Variants in CRLF3 observed in about 807,000 individuals in gnomAD.
CRLF3 encodes cytokine receptor like factor 3, also known as cytokine receptor-like factor 3.
In CRLF3, 33 loss-of-function variants were observed where a neutral mutation model predicts 55.0. The ratio of observed to expected loss-of-function variants is 0.60; its 90% confidence interval spans 0.46 to 0.80. The LOEUF (loss-of-function observed/expected upper bound fraction) is 0.80, where lower values mean the gene tolerates loss of function less well. Ranked by LOEUF, CRLF3 falls within the 30% of genes least tolerant of loss-of-function variation. The pLI is 0.00. For synonymous variants in CRLF3, 238 were observed against 196.8 expected, an observed-to-expected ratio of 1.21 and a Z score of -1.75; for missense variants, 494 against 538.4, an observed-to-expected ratio of 0.92 and a Z score of 0.82.
chr17:30,794,327 C>G (rs1359768606), intron 4 of CRLF3, among the ~76,000 whole-genome samples: 1 of 152,060 alleles, frequency 6.6e-6, no homozygotes, highest in Non-Finnish European at 1.5e-5. Flanking sequence ...ACAGAACCCC[C>G]ATTAATTTTT....
At chr17:30,793,141 AAACT>A (rs367942158) in intron 5 of CRLF3, among the ~76,000 whole-genome samples, 19 of 152,036 alleles carry the variant, frequency 1.2e-4, no homozygotes, top group South Asian at 4.2e-4. Flanking sequence ...TGTCTCAAAA[AAACT>A]AACTAAATAA....
chr17:30,824,502 C>T (rs1008068621), intron 1 of CRLF3, 21 bp downstream of exon 1: 1 of 1,577,380 alleles, frequency 6.3e-7, no homozygotes, highest in African/African-American at 1.4e-5. Context: ...CACAGCGCCC[C>T]TGTGGGTGTG....
intron 1 of CRLF3, among the ~76,000 whole-genome samples, chr17:30,805,046 G>A (rs1225362643): frequency 3.3e-5 from 5 of 152,062 alleles, no homozygotes. Flanking sequence ...AGCTGGACGT[G>A]GTAGTGCGGG....
rs1971566255 is a variant in CRLF3 at position 30,783,903 on chromosome 17, GGGTATAGAACTTCCTATATCTTC to G, written c.*261_*283del. 3.6e-6 allele frequency: 1 copy of G among 277,640 alleles called. No homozygotes were observed. Among genetic ancestry groups the G allele is most frequent in the Non-Finnish European group, 6.8e-6 (1 of 147,874 alleles). The allele number at this position is 277,640 out of a possible 1,614,324, so 17.2% of individuals were successfully genotyped here. The stretch of plus-strand genomic sequence containing the variant: ...ACCAACTTTGAGAAGTACAGTGGAA[GGGTATAGAACTTCCTATATCTTC>G]TATACTTTTAATGCCAATTTGATTT... On this transcript the variant is annotated 3_prime_UTR_variant, in exon 8 of 8. Coordinates refer to ENST00000324238, the MANE Select transcript of CRLF3 (RefSeq NM_015986.4).
intron 6 of CRLF3, 54 bp downstream of exon 6, chr17:30,792,386 T>C: frequency 6.5e-7 from 1 of 1,537,834 alleles, no homozygotes; most frequent in Non-Finnish European, 9.0e-7. Context: ...ATGTATGCTC[T>C]ATGCACTTCA....
At chr17:30,797,537 T>TA (rs1192690779) in intron 2 of CRLF3, 139 bp from the exon 3 acceptor site, 1 of 672,754 alleles carries the variant, frequency 1.5e-6, no homozygotes, top group South Asian at 1.7e-5. Flanking sequence ...CCCAAAAAGT[T>TA]AAAGTAGAAA....
At chr17:30,790,016 CTT>C (rs1490604525) in intron 6 of CRLF3, among the ~76,000 whole-genome samples, 3 of 151,274 alleles carry the variant, frequency 2.0e-5, no homozygotes, top group African/African-American at 4.9e-5. Context: ...CTCTCTCTCT[CTT>C]TGTTGGTATT....
At chr17:30,811,733 G>A (rs1293102965) in intron 1 of CRLF3, among the ~76,000 whole-genome samples, 2 of 148,624 alleles carry the variant, frequency 1.3e-5, no homozygotes, top group East Asian at 3.9e-4. Flanking sequence ...GAACCTGGGA[G>A]GTGGAGGTTG....
chr17:30,816,873 T>C (rs979864268), intron 1 of CRLF3, among the ~76,000 whole-genome samples: 10 of 152,284 alleles, frequency 6.6e-5, no homozygotes, highest in Non-Finnish European at 1.2e-4. Context: ...TACAGACTTG[T>C]ACCCTAGGAG....
At chr17:30,792,629 TACAGACACGTTAAATAAA>T (rs1385240041) in intron 5 of CRLF3, 57 bp from the exon 6 acceptor site, 18 of 1,479,388 alleles carry the variant, frequency 1.2e-5, no homozygotes, top group Non-Finnish European at 1.7e-5. Context: ...ATATCTTCAA[TACAGACACGTTAAATAAA>T]ACATGGAAAT....
At chr17:30,813,786 A>G (rs1409238891) in intron 1 of CRLF3, among the ~76,000 whole-genome samples, 3 of 142,910 alleles carry the variant, frequency 2.1e-5, no homozygotes, top group Admixed American at 7.4e-5. Context: ...AGCATTTTAA[A>G]TAAGTTTCTC....
chr17:30,792,506 G>T lies in CRLF3; in HGVS notation c.893C>A (p.Ser298Tyr). The stretch of plus-strand genomic sequence containing the variant: ...GGAGTAGAGAACACCCGATGATTCA[G>T]AATCGTTCCGAAGTGCTATATTTCT... ...SRRNIALRND[S>Y]ESSGVLYSRA... The change falls in exon 6 of 8, where the codon TCT (serine) becomes TAT (tyrosine). Residue 298 changes from serine (S) to tyrosine (Y), a missense_variant. Ser to Tyr is a moderately radical substitution (Grantham distance 144). Transcript: ENST00000324238. The T allele has an allele frequency of 6.2e-7, 1 of 1,612,998 alleles. No homozygotes were observed. Among genetic ancestry groups the T allele is most frequent in the Non-Finnish European group, 8.5e-7 (1 of 1,179,042 alleles).
At chr17:30,805,110 G>A (rs1306874230) in intron 1 of CRLF3, among the ~76,000 whole-genome samples, 1 of 152,056 alleles carries the variant, frequency 6.6e-6, no homozygotes, top group East Asian at 1.9e-4. Context: ...TTGAACCTGG[G>A]AGATGGAGGT....
At chr17:30,818,084 A>AC (rs1166407043) in intron 1 of CRLF3, among the ~76,000 whole-genome samples, 1 of 150,768 alleles carries the variant, frequency 6.6e-6, no homozygotes, top group Non-Finnish European at 1.5e-5. Context: ...CCATGGTGAA[A>AC]CCCCGTCTCT....
chr17:30,784,634 A>G, intron 7 of CRLF3, 191 bp from the exon 8 acceptor site: 1 of 497,660 alleles, frequency 2.0e-6, no homozygotes. Context: ...AGTTTCCCAT[A>G]TCAGTGTCAT....
At chr17:30,814,935 G>A (rs997740041) in intron 1 of CRLF3, among the ~76,000 whole-genome samples, 26 of 150,490 alleles carry the variant, frequency 1.7e-4, no homozygotes, top group Admixed American at 4.6e-4. Flanking sequence ...CCCGGGAGGC[G>A]GAAGTTGCCG....
chr17:30,789,865 C>G (rs1021714454), intron 6 of CRLF3, among the ~76,000 whole-genome samples: 2 of 152,106 alleles, frequency 1.3e-5, no homozygotes, highest in African/African-American at 4.8e-5. Context: ...ACAGAAATAC[C>G]TTGTTCTCAG....
intron 1 of CRLF3, among the ~76,000 whole-genome samples, chr17:30,807,418 G>A (rs1470530772): frequency 2.0e-5 from 3 of 148,676 alleles, no homozygotes; most frequent in Non-Finnish European, 3.0e-5. Context: ...CAATGTTCAC[G>A]ACCATGTAAA....
intron 1 of CRLF3, among the ~76,000 whole-genome samples, chr17:30,815,688 C>T (rs934583572): frequency 6.7e-6 from 1 of 148,462 alleles, no homozygotes; most frequent in African/African-American, 2.5e-5. Flanking sequence ...GCATTACAGG[C>T]GCACCACCAC....
Sources: gnomAD v4.1 joint callset for allele counts (sites outside exome capture counted in the v4.1 genomes callset) on GRCh38, gnomAD v4.1.1 for gene constraint, MANE v1.5 for transcripts, NCBI Gene and HGNC (gene_info 2026-07-23, HGNC 2026-07-21) for gene names.